Variants in SLC35D1 observed in about 807,000 individuals in gnomAD.
SLC35D1 encodes the protein nucleotide sugar transporter SLC35D1.
SLC35D1 carries 31 observed loss-of-function variants against 46.7 expected under a neutral mutation model. The ratio of observed to expected loss-of-function variants is 0.66; its 90% CI spans 0.50 to 0.90. SLC35D1 has a LOEUF of 0.90. SLC35D1 is among the 40% of genes least tolerant of loss of function. The pLI is 0.00. For synonymous variants in SLC35D1, 195 were observed against 164.6 expected, an observed-to-expected ratio of 1.18 and a Z score of -1.41; for missense variants, 397 against 426.2, an observed-to-expected ratio of 0.93 and a Z score of 0.60.
the SLC35D1 span, among the ~76,000 whole-genome samples, chr1:66,982,838 C>T: frequency 1.3e-5 from 2 of 152,170 alleles, no homozygotes; most frequent in Non-Finnish European, 2.9e-5. Flanking sequence ...AAACTTAGGG[C>T]CCAGTAACTA....
chr1:67,005,986 T>C (rs1020097266), intron 11 of SLC35D1, among the ~76,000 whole-genome samples: 9 of 152,180 alleles, frequency 5.9e-5, no homozygotes, highest in Non-Finnish European at 1.2e-4. Context: ...GGGGGCCTCA[T>C]GAACCCAATT....
At chr1:67,008,240 G>A (rs575943066) in intron 11 of SLC35D1, 1 of 300,512 alleles carries the variant, frequency 3.3e-6, no homozygotes, top group South Asian at 2.9e-5. Flanking sequence ...CTGGGTTCAA[G>A]CGATTCTCCT....
At chr1:67,026,245 A>G (rs545513953) in intron 8 of SLC35D1, among the ~76,000 whole-genome samples, 1 of 152,304 alleles carries the variant, frequency 6.6e-6, no homozygotes, top group South Asian at 2.1e-4. Flanking sequence ...CTTTTGTCAA[A>G]TAGGTTTTCT....
chr1:67,042,010 A>C (rs1251923687), intron 8 of SLC35D1, among the ~76,000 whole-genome samples: 1 of 152,224 alleles, frequency 6.6e-6, no homozygotes, highest in Non-Finnish European at 1.5e-5. Context: ...GCTGGCAAGC[A>C]CTATTTTTAT....
intron 8 of SLC35D1, among the ~76,000 whole-genome samples, chr1:67,035,583 T>C (rs964357038): frequency 6.6e-6 from 1 of 151,770 alleles, no homozygotes; most frequent in African/African-American, 2.4e-5. Flanking sequence ...TCTTCTCTCT[T>C]TTTTTCTTAG....
intron 1 of SLC35D1, 32 bp from the exon 2 acceptor site, chr1:67,053,021 A>T (rs766001459): frequency 1.2e-6 from 2 of 1,613,102 alleles, no homozygotes; most frequent in African/African-American, 1.3e-5. Flanking sequence ...AAACAAGATC[A>T]GAACAAACCT....
At chr1:67,021,645 A>T in intron 8 of SLC35D1, 43 bp from the exon 9 acceptor site, 9 of 1,600,110 alleles carry the variant, frequency 5.6e-6, no homozygotes, top group Non-Finnish European at 7.7e-6. Flanking sequence ...CCAGGCCTTC[A>T]AAATCAGCTA....
At chr1:67,052,682 C>CA (rs1645322348) in intron 3 of SLC35D1, 89 bp downstream of exon 3, 2 of 1,401,580 alleles carry the variant, frequency 1.4e-6, no homozygotes, top group Non-Finnish European at 2.0e-6. Context: ...TTTGAGGCTG[C>CA]AATTTTTAAA....
chr1:66,987,218 A>G, the SLC35D1 span: 1 of 152,740 alleles, frequency 6.5e-6, no homozygotes, highest in Non-Finnish European at 1.5e-5. Flanking sequence ...TCACACAATA[A>G]TTTGTTCTTA....
At chr1:66,984,437 G>A in the SLC35D1 span, 2 of 627,124 alleles carry the variant, frequency 3.2e-6, no homozygotes, top group Admixed American at 3.3e-5. Context: ...TAGCTTATAA[G>A]TAATAGAGCA....
Position 67,028,529 on chromosome 1 carries a change from T to C in SLC35D1, c.730-6927A>G, listed in dbSNP as rs550058032. On this transcript the variant is annotated intron_variant, in intron 8 of 11. Transcript: ENST00000235345. ...TTTTGGAGCTCTCTCATCAAGAATA[T>C]ATACACTTAGGACCATTATATCCTT... Among the ~76,000 whole-genome samples, 10 of 152,356 alleles carry C rather than the reference T, an allele frequency of 6.6e-5. No homozygotes were observed. The South Asian group carries it at 8.3e-4, about 13-fold the overall frequency.
chr1:67,034,151 T>A (rs1461409931), intron 8 of SLC35D1, among the ~76,000 whole-genome samples: 1 of 152,232 alleles, frequency 6.6e-6, no homozygotes, highest in Non-Finnish European at 1.5e-5. Context: ...TTCTCTTTGC[T>A]TAGGATGGCT....
rs201607964 is a variant in SLC35D1 at position 67,035,144 on chromosome 1, G to GCA, written c.729+7091_729+7092insTG. ...CTACAGTTCTGTGTTGTGTGTGTGT[G>GCA]TGCGCGCGTGTGTGTGTGTTTAATG... On this transcript the variant is annotated intron_variant, in intron 8 of 11. Transcript: ENST00000235345. 3.2e-3 allele frequency among the ~76,000 whole-genome samples: 486 copies of GCA among 152,046 alleles called. 5 individuals carry two copies. The highest frequency in any genetic ancestry group is 0.011 in the African/African-American group (472 of 41,494).
rs1235507423 is a variant in SLC35D1, at chr1:67,039,465, C to G, written c.729+2771G>C. 2.0e-5 allele frequency among the ~76,000 whole-genome samples: 3 copies of G among 149,188 alleles called. No individual in the cohort carries two copies. In the East Asian group the frequency reaches 6.0e-4, roughly 30 times the overall value. On this transcript the variant is annotated intron_variant, in intron 8 of 11. Transcript: ENST00000235345. The stretch of plus-strand genomic sequence containing the variant: ...ATTTATTAGTTTCATGTATATTTTT[C>G]CAGACTTTATTTAAATAAGTGAAAA...
chr1:66,973,077 A>G, the SLC35D1 span: 1 of 714,700 alleles, frequency 1.4e-6, no homozygotes, highest in African/African-American at 1.8e-5. Flanking sequence ...TATATTGTCT[A>G]GTGTTAAAGG....
At chr1:66,981,340 A>C in the SLC35D1 span, among the ~76,000 whole-genome samples, 2 of 152,236 alleles carry the variant, frequency 1.3e-5, no homozygotes, top group African/African-American at 4.8e-5. Flanking sequence ...GGAAGGTTTT[A>C]GGAGGTAATC....
At position 67,052,954 on chromosome 1, in the gene SLC35D1, A is replaced by G; in HGVS notation, c.237+2T>C. ...CACGTAATGGTGAGGATTCCAACTA[A>G]CCTGGCCAAGTCCAACACATAGTGA... is the stretch of plus-strand genomic sequence containing the variant. On this transcript the variant is annotated splice_donor_variant, in intron 2 of 11. Transcript: ENST00000235345. LOFTEE classifies it high-confidence loss of function. 3.1e-6 allele frequency: 5 copies of G among 1,614,104 alleles called. No individual in the cohort carries two copies. The highest frequency in any genetic ancestry group is 4.2e-6 in the Non-Finnish European group (5 of 1,180,038).
At position 67,004,156 on chromosome 1, in the gene SLC35D1, G is replaced by C; in HGVS notation, c.*184C>G. 1.6e-6 allele frequency: 1 copy of C among 607,896 alleles called. No homozygotes were observed. The highest frequency in any genetic ancestry group is 3.0e-6 in the Non-Finnish European group (1 of 337,506). The allele number at this position is 607,896 out of a possible 1,614,324, so 37.7% of individuals were successfully genotyped here. A position where few individuals can be genotyped will look rare whatever the true frequency, so the allele number is the denominator to read the frequency against. ...ATTCAAACAACATATTTAAAATAGA[G>C]TCAATTATAAGTTTCTCTCTTCATA... On this transcript the variant is annotated 3_prime_UTR_variant, in exon 12 of 12. Transcript: ENST00000235345.
intron 7 of SLC35D1, among the ~76,000 whole-genome samples, chr1:67,047,050 G>A (rs1484687361): frequency 6.6e-6 from 1 of 152,062 alleles, no homozygotes; most frequent in Non-Finnish European, 1.5e-5. Flanking sequence ...CAAAATTCAC[G>A]CAATCCCAGA....
Sources: allele counts gnomAD v4.1 joint callset (sites outside exome capture counted in the v4.1 genomes callset), GRCh38; gene constraint gnomAD v4.1.1; transcripts MANE v1.5; gene names NCBI Gene and HGNC (gene_info 2026-07-23, HGNC 2026-07-21).